The following POLA1 variants were observed in gnomAD, a reference collection of about 807,000 sequenced individuals.
POLA1 encodes the protein DNA polymerase alpha catalytic subunit.
A neutral mutation model predicts 124.0 loss-of-function variants in POLA1; 15 were observed. The observed-to-expected ratio is 0.12, with a 90% CI of 0.08 to 0.19. POLA1 has a LOEUF of 0.19. Among genes scored for constraint, POLA1 ranks in the 10% least tolerant of loss-of-function variants. The pLI is 1.00. For missense variants in POLA1, 886 were observed against 1,103.4 expected (o/e 0.80, Z 2.79); for synonymous variants, 408 against 389.4 (o/e 1.05, Z -0.56).
At chrX:24,756,590 G>C (rs1162529683) in intron 26 of POLA1, among the ~76,000 whole-genome samples, 4 of 110,146 alleles carry the variant, frequency 3.6e-5, no homozygotes, top group African/African-American at 1.3e-4. Context: ...AAATTTTACT[G>C]ATTCTTAGAT....
chrX:24,814,545 C>G (rs1304538999), intron 29 of POLA1, among the ~76,000 whole-genome samples: 1 of 111,735 alleles, frequency 8.9e-6, no homozygotes, highest in East Asian at 2.8e-4. Flanking sequence ...GTTGTTGTCT[C>G]AGGTGGAGAT....
intron 31 of POLA1, among the ~76,000 whole-genome samples, chrX:24,824,368 C>T (rs1418859400): frequency 9.1e-6 from 1 of 109,666 alleles, no homozygotes; most frequent in Non-Finnish European, 1.9e-5. Context: ...CCACAGCTAA[C>T]TGCAGCCTTT....
In POLA1 at chrX:24,743,172, A is replaced by C. The variant is rs1931778540; in HGVS notation, c.2467-58A>C. ...AATTGGAAAAGAGAGAATCATCAAAATTTTAAATTAGTTAATTAGTTGCTG... is the reference window on the plus strand; with the variant it reads ...AATTGGAAAAGAGAGAATCATCAAACTTTTAAATTAGTTAATTAGTTGCTG... On this transcript the variant is annotated intron_variant, in intron 22 of 36. Coordinates refer to ENST00000379068, the MANE Select transcript of POLA1 (RefSeq NM_001330360.2). 6.5e-6 allele frequency: 4 copies of C among 615,007 alleles called. No individual in the cohort carries two copies. The East Asian group carries it at 1.4e-4, about 22-fold the overall frequency. The allele number at this position is 615,007 out of a possible 1,213,427, so 50.7% of individuals were successfully genotyped here. A position where few individuals can be genotyped will look rare whatever the true frequency, so the allele number is the denominator to read the frequency against.
At chrX:24,771,662 A>G (rs2045038464) in intron 26 of POLA1, among the ~76,000 whole-genome samples, 1 of 111,462 alleles carries the variant, frequency 9.0e-6, no homozygotes, top group African/African-American at 3.3e-5. Flanking sequence ...CTGCTAAGCA[A>G]TTTTTCAGCA....
intron 32 of POLA1, among the ~76,000 whole-genome samples, chrX:24,830,111 A>G (rs1173906516): frequency 8.9e-6 from 1 of 112,379 alleles, no homozygotes; most frequent in Non-Finnish European, 1.9e-5. Context: ...GCATAATTTC[A>G]TTTAGGAAAA....
chrX:24,938,832 A>G (rs16983251), intron 36 of POLA1, among the ~76,000 whole-genome samples: 10,904 of 112,120 alleles, frequency 0.097, 1,121 homozygotes, highest in African/African-American at 0.31. Flanking sequence ...ACATTTTCCA[A>G]GAAATGGTCA....
At chrX:24,756,216 T>G (rs1932591159) in intron 26 of POLA1, among the ~76,000 whole-genome samples, 1 of 111,706 alleles carries the variant, frequency 9.0e-6, no homozygotes, top group African/African-American at 3.3e-5. Context: ...TAGAGGAAAT[T>G]ACACTAAAGG....
chrX:24,930,107 A>G (rs1442076756), intron 35 of POLA1, among the ~76,000 whole-genome samples: 1 of 112,357 alleles, frequency 8.9e-6, no homozygotes, highest in Non-Finnish European at 1.9e-5. Flanking sequence ...GGGCCCAGTT[A>G]GGAAGCACAT....
At chrX:24,851,197 A>G in intron 34 of POLA1, among the ~76,000 whole-genome samples, 1 of 112,490 alleles carries the variant, frequency 8.9e-6, no homozygotes, top group Non-Finnish European at 1.9e-5. Context: ...TACAGCACAG[A>G]ATATTACAAT....
intron 16 of POLA1, 106 bp downstream of exon 16, chrX:24,732,560 G>T: frequency 2.5e-5 from 10 of 403,170 alleles, no homozygotes; most frequent in Non-Finnish European, 3.5e-5. Flanking sequence ...TTGTTTTCAA[G>T]AATAGTGCAT....
chrX:24,927,958 G>A (rs1378835712), intron 35 of POLA1, among the ~76,000 whole-genome samples: 3 of 111,450 alleles, frequency 2.7e-5, no homozygotes, highest in African/African-American at 9.8e-5. Context: ...ACAAATTAGT[G>A]GTGCAAAATC....
chrX:24,747,416 C>A lies in POLA1; in HGVS notation c.2692-895C>A, dbSNP rs751679202. ...CCGACCTCAGGTGATCCACCCGCCT[C>A]GGCCTCCCAAAGTGCTGAGATTATA... On this transcript the variant is annotated intron_variant, in intron 24 of 36. Coordinates refer to ENST00000379068, the MANE Select transcript of POLA1 (RefSeq NM_001330360.2). Among the ~76,000 whole-genome samples the A allele has an allele frequency of 1.5e-4, 17 of 110,896 alleles. No individual in the cohort carries two copies. In the East Asian group the frequency reaches 4.8e-3, roughly 32 times the overall value.
At chrX:24,734,788 G>T (rs981315611) in intron 17 of POLA1, among the ~76,000 whole-genome samples, 1 of 111,045 alleles carries the variant, frequency 9.0e-6, no homozygotes, top group Admixed American at 9.6e-5. Flanking sequence ...GCTAATTTTT[G>T]TATTTTTAGT....
chrX:24,865,857 A>G (rs923111545), intron 34 of POLA1, among the ~76,000 whole-genome samples: 1 of 111,416 alleles, frequency 9.0e-6, no homozygotes, highest in Non-Finnish European at 1.9e-5. Context: ...TATGAGGTGT[A>G]TTTATTCTCA....
In POLA1 at chrX:24,723,242, C is replaced by T. The variant is rs944466441; in HGVS notation, c.1175C>T (p.Thr392Met). 47 of 1,187,437 alleles carry T rather than the reference C, an allele frequency of 4.0e-5. No homozygotes were observed. The highest frequency in any genetic ancestry group is 2.3e-4 in the Middle Eastern group (1 of 4,311). The change falls in exon 11 of 37, where the codon ACG becomes ATG. Residue 392 changes from threonine (T) to methionine (M), a missense_variant. Thr to Met is a moderately conservative substitution (Grantham distance 81). Transcript: ENST00000379068. ...CCVMVKNIERTLYFLPREMKI... is the reference protein window; with the variant it reads ...CCVMVKNIERMLYFLPREMKI... ...GTCATGGTGAAAAATATCGAGCGAACGCTTTACTTCCTTCCCCGTGAAATG... is the reference window on the plus strand; with the variant it reads ...GTCATGGTGAAAAATATCGAGCGAATGCTTTACTTCCTTCCCCGTGAAATG...
At chrX:24,901,415 G>A (rs1439244827) in intron 35 of POLA1, among the ~76,000 whole-genome samples, 1 of 111,199 alleles carries the variant, frequency 9.0e-6, no homozygotes, top group Admixed American at 9.6e-5. Flanking sequence ...TAGGAAAAGG[G>A]CCAGTGTAGC....
At chrX:24,923,805 T>C (rs754606372) in intron 35 of POLA1, among the ~76,000 whole-genome samples, 1 of 112,075 alleles carries the variant, frequency 8.9e-6, no homozygotes, top group Non-Finnish European at 1.9e-5. Flanking sequence ...CAGTATTTTT[T>C]TTTCACCCTC....
At chrX:24,775,526 G>A (rs1393946054) in intron 26 of POLA1, among the ~76,000 whole-genome samples, 1 of 112,172 alleles carries the variant, frequency 8.9e-6, no homozygotes, top group Admixed American at 9.5e-5. Context: ...CACGAGCACT[G>A]TGGGGATGGT....
At chrX:24,824,122 C>T (rs1395252138) in intron 31 of POLA1, among the ~76,000 whole-genome samples, 1 of 111,501 alleles carries the variant, frequency 9.0e-6, no homozygotes, top group African/African-American at 3.3e-5. Flanking sequence ...TCGACTGCAC[C>T]TGGTTGTCTC....
Sources: allele counts gnomAD v4.1 joint callset (sites outside exome capture counted in the v4.1 genomes callset), GRCh38; gene constraint gnomAD v4.1.1; transcripts MANE v1.5; gene names NCBI Gene and HGNC (gene_info 2026-07-23, HGNC 2026-07-21).